The following FARS2 variants were observed in gnomAD, a reference collection of about 807,000 sequenced individuals.
FARS2 encodes the protein phenylalanyl-tRNA synthetase 2, mitochondrial.
Under a neutral mutation model 46.4 loss-of-function variants are expected in FARS2, and 40 were observed. That is an observed-to-expected ratio of 0.86 (90% CI 0.67 to 1.12). The LOEUF (loss-of-function observed/expected upper bound fraction) is 1.12, where lower values mean the gene tolerates loss of function less well. FARS2 is among the 50% of genes most tolerant of loss of function. The pLI is 0.00. For synonymous variants in FARS2, 234 were observed against 214.9 expected (o/e 1.09, Z -0.78); for missense variants, 513 against 567.9 (o/e 0.90, Z 0.98).
intron 4 of FARS2, among the ~76,000 whole-genome samples, chr6:5,455,616 A>C (rs2552288): frequency 0.42 from 64,176 of 152,016 alleles, 14,082 homozygotes; most frequent in East Asian, 0.56. Flanking sequence ...CTTTAGAATA[A>C]AATTCTTTGG....
intron 4 of FARS2, among the ~76,000 whole-genome samples, chr6:5,498,561 TC>T (rs1767608024): frequency 1.3e-5 from 2 of 152,202 alleles, no homozygotes; most frequent in South Asian, 4.1e-4. Flanking sequence ...CACCAGGTAC[TC>T]AGTAGATGTT....
chr6:5,583,305 A>G (rs1485103434), intron 5 of FARS2, among the ~76,000 whole-genome samples: 1 of 152,252 alleles, frequency 6.6e-6, no homozygotes, highest in Admixed American at 6.5e-5. Context: ...AGTTCAGCTC[A>G]GTCCACCAGT....
chr6:5,707,930 G>C (rs1758861855), intron 6 of FARS2, among the ~76,000 whole-genome samples: 1 of 152,226 alleles, frequency 6.6e-6, no homozygotes, highest in Non-Finnish European at 1.5e-5. Context: ...AGAAAGGCTT[G>C]GCTACTAATT....
rs536932751 is a variant in FARS2 at position 5,343,718 on chromosome 6, T to C, written c.-21-24832T>C. ...AAGTGGAGGATGAGCTGGTATGACATGGGTTCTGTCTAGGGATTCTCCTGT... is the reference window on the plus strand; with the variant it reads ...AAGTGGAGGATGAGCTGGTATGACACGGGTTCTGTCTAGGGATTCTCCTGT... On this transcript the variant is annotated intron_variant, in intron 1 of 6. Transcript: ENST00000274680. The surrounding 1 kb of genome is among the most constrained non-coding windows in gnomAD (Gnocchi z 4.5). Among the ~76,000 whole-genome samples the C allele has an allele frequency of 1.6e-4, 25 of 152,290 alleles. No homozygotes were observed. The highest frequency in any genetic ancestry group is 1.5e-3 in the Admixed American group (23 of 15,300).
chr6:5,673,412 A>G (rs1005373156), intron 6 of FARS2, among the ~76,000 whole-genome samples: 7 of 152,172 alleles, frequency 4.6e-5, no homozygotes, highest in Non-Finnish European at 1.0e-4. Context: ...ACAGTTAATA[A>G]GGCCACAAAT....
chr6:5,473,701 G>A (rs557311302), intron 4 of FARS2, among the ~76,000 whole-genome samples: 385 of 152,206 alleles, frequency 2.5e-3, no homozygotes, highest in Admixed American at 5.6e-3. Flanking sequence ...TTTGGTAGAA[G>A]ACTCAGTTTT....
At chr6:5,552,463 C>T (rs1330688788) in intron 5 of FARS2, among the ~76,000 whole-genome samples, 2 of 152,144 alleles carry the variant, frequency 1.3e-5, no homozygotes, top group East Asian at 1.9e-4. Context: ...ATGCTCTAGG[C>T]TGTGTTGGCT....
At chr6:5,505,384 G>C (rs1048208232) in intron 4 of FARS2, among the ~76,000 whole-genome samples, 1 of 152,116 alleles carries the variant, frequency 6.6e-6, no homozygotes, top group Non-Finnish European at 1.5e-5. Flanking sequence ...ACAGTTGTCT[G>C]TCTGGCAATG....
chr6:5,285,595 A>G (rs1215756790), intron 1 of FARS2, among the ~76,000 whole-genome samples: 1 of 152,220 alleles, frequency 6.6e-6, no homozygotes, highest in Non-Finnish European at 1.5e-5. Context: ...AGGCTGCATC[A>G]GCAAGTGCAT....
At position 5,545,583 on chromosome 6, in the gene FARS2, A is replaced by G. The variant is rs9392695; in HGVS notation, c.1065+243A>G. ...GTTTTAAGCCCCACATGCATTAGGT[A>G]TTTGTCCTAATGCTCTGCCTCCCCT... On this transcript the variant is annotated intron_variant, in intron 5 of 6. Transcript: ENST00000274680. 0.35 allele frequency among the ~76,000 whole-genome samples: 53,629 copies of G among 151,518 alleles called. 9,981 individuals are homozygous for G. Among genetic ancestry groups the G allele is most frequent in the African/African-American group, 0.47 (19,185 of 41,190 alleles).
intron 5 of FARS2, among the ~76,000 whole-genome samples, chr6:5,611,615 T>C (rs1339010253): frequency 6.6e-6 from 1 of 152,264 alleles, no homozygotes; most frequent in African/African-American, 2.4e-5. Flanking sequence ...AAACTTTTTA[T>C]ATTTTTTAGC....
intron 3 of FARS2, among the ~76,000 whole-genome samples, chr6:5,416,102 T>C (rs1357694665): frequency 2.6e-5 from 4 of 152,222 alleles, no homozygotes; most frequent in African/African-American, 9.6e-5. Context: ...GTCTTTTCAT[T>C]AGTGTTGTTC....
intron 4 of FARS2, among the ~76,000 whole-genome samples, chr6:5,535,327 T>C (rs1770126690): frequency 6.6e-6 from 1 of 152,246 alleles, no homozygotes; most frequent in South Asian, 2.1e-4. Context: ...AATGTAAATA[T>C]GTGCAACATT....
chr6:5,318,843 C>G (rs764149301), intron 1 of FARS2, among the ~76,000 whole-genome samples: 5 of 152,048 alleles, frequency 3.3e-5, no homozygotes, highest in Non-Finnish European at 5.9e-5. Context: ...ACTTTCATTT[C>G]CAACAGCCAG....
At chr6:5,292,774 A>G (rs1269564215) in intron 1 of FARS2, among the ~76,000 whole-genome samples, 3 of 152,238 alleles carry the variant, frequency 2.0e-5, no homozygotes, top group African/African-American at 7.2e-5. Context: ...TTGGCAATTC[A>G]AGCCTATTAT....
intron 1 of FARS2, among the ~76,000 whole-genome samples, chr6:5,268,988 G>A (rs1348629042): frequency 1.3e-5 from 2 of 151,950 alleles, no homozygotes; most frequent in African/African-American, 2.4e-5. Flanking sequence ...CTCATTACTG[G>A]GTATATACCC....
Position 5,368,779 on chromosome 6 carries a change from T to A in FARS2, c.209T>A (p.Val70Asp). 1 of 1,614,072 alleles carries A rather than the reference T, an allele frequency of 6.2e-7. No individual in the cohort carries two copies. The change falls in exon 2 of 7, where the codon GTC (valine) becomes GAC (aspartate). Residue 70 changes from valine (V) to aspartate (D), a missense_variant. Val to Asp is a radical substitution (Grantham distance 152). Coordinates refer to ENST00000274680, the MANE Select transcript of FARS2 (RefSeq NM_006567.5). ...QDDHSNLTRK[V>D]LTRVGRNLHN... ...GACCACAGCAACCTCACCCGGAAGG[T>A]CCTCACCAGAGTTGGCAGGAACCTG... is the stretch of plus-strand genomic sequence containing the variant.
rs1195724097 is a variant in FARS2, at chr6:5,771,379, G to T, written c.1306G>T (p.Ala436Ser). 6.2e-7 allele frequency: 1 copy of T among 1,614,228 alleles called. No individual in the cohort carries two copies. Among genetic ancestry groups the T allele is most frequent in the Admixed American group, 1.7e-5 (1 of 60,024 alleles). ...GAGAGAGGTCAGGCACATCCACCAG[G>T]CCTTGCAGGAGGCTGCAGTCCAGCT... ...SQREVRHIHQ[A>S]LQEAAVQLLG... Residue 436 changes from alanine (A) to serine (S), a missense_variant, in exon 7 of 7, where the codon GCC becomes TCC. Coordinates refer to ENST00000274680, the MANE Select transcript of FARS2 (RefSeq NM_006567.5).
intron 1 of FARS2, among the ~76,000 whole-genome samples, chr6:5,333,790 A>C (rs1770963854): frequency 6.6e-6 from 1 of 152,106 alleles, no homozygotes; most frequent in Admixed American, 6.6e-5. Context: ...TTTACCATGT[A>C]ATTCTCTATT....
Sources: gnomAD v4.1 joint callset for allele counts (sites outside exome capture counted in the v4.1 genomes callset) on GRCh38, gnomAD v4.1.1 for gene constraint, Gnocchi (gnomAD v3.1) non-coding constraint, MANE v1.5 for transcripts, NCBI Gene and HGNC (gene_info 2026-07-23, HGNC 2026-07-21) for gene names.